Variants in ATP10B observed in about 807,000 individuals in gnomAD.
ATP10B encodes the protein phospholipid-transporting ATPase VB.
Under a neutral mutation model 141.2 loss-of-function variants are expected in ATP10B, and 122 were observed. The ratio of observed to expected loss-of-function variants is 0.86; its 90% confidence interval spans 0.75 to 1.00. The LOEUF is 1.00. Among genes scored for constraint, ATP10B ranks in the 50% least tolerant of loss-of-function variants. The pLI, the probability that ATP10B is intolerant of heterozygous loss-of-function variation, is 0.00. For synonymous variants in ATP10B, 685 were observed against 692.0 expected, an observed-to-expected ratio of 0.99 and a Z score of 0.16; for missense variants, 1,876 against 1,825.3, an observed-to-expected ratio of 1.03 and a Z score of -0.51.
chr5:160,653,793 A>C (rs1212489081), intron 7 of ATP10B, among the ~76,000 whole-genome samples: 1 of 117,310 alleles, frequency 8.5e-6, no homozygotes, highest in South Asian at 2.5e-4. Context: ...TATATATTAT[A>C]TAGACGTATA....
the ATP10B span, among the ~76,000 whole-genome samples, chr5:160,889,368 C>G: frequency 2.6e-5 from 4 of 152,186 alleles, no homozygotes; most frequent in Non-Finnish European, 4.4e-5. Context: ...AAAGAACCAG[C>G]TGTTGTCCAT....
At chr5:160,718,972 T>C (rs1765819191) in intron 2 of ATP10B, among the ~76,000 whole-genome samples, 1 of 152,100 alleles carries the variant, frequency 6.6e-6, no homozygotes, top group Non-Finnish European at 1.5e-5. Flanking sequence ...AATAAACAGA[T>C]GAATAAACAA....
At chr5:160,721,544 T>G (rs1476524082) in intron 2 of ATP10B, among the ~76,000 whole-genome samples, 3 of 152,146 alleles carry the variant, frequency 2.0e-5, no homozygotes. Flanking sequence ...TCTTTAAAGT[T>G]TCAGATGACT....
the ATP10B span, among the ~76,000 whole-genome samples, chr5:160,878,526 T>C: frequency 6.6e-6 from 1 of 151,988 alleles, no homozygotes; most frequent in African/African-American, 2.4e-5. Flanking sequence ...GAAGACAAAA[T>C]TGACAAATGG....
intron 1 of ATP10B, among the ~76,000 whole-genome samples, chr5:160,803,185 A>G (rs754742141): frequency 5.3e-5 from 8 of 152,146 alleles, no homozygotes; most frequent in Non-Finnish European, 1.0e-4. Flanking sequence ...CTTTTTGTTG[A>G]AGGAGGATGT....
chr5:160,684,998 C>A (rs772242692), intron 6 of ATP10B: 1 of 703,264 alleles, frequency 1.4e-6, no homozygotes, highest in Non-Finnish European at 2.6e-6. Context: ...AAATTCAGAA[C>A]CGCAATGCCC....
intron 6 of ATP10B, among the ~76,000 whole-genome samples, chr5:160,676,516 G>A (rs1244294075): frequency 6.6e-6 from 1 of 152,142 alleles, no homozygotes; most frequent in Admixed American, 6.5e-5. Flanking sequence ...CTATTTTAAA[G>A]TACGTAAGAA....
chr5:160,593,962 C>A (rs1756503920), intron 22 of ATP10B, among the ~76,000 whole-genome samples: 2 of 152,220 alleles, frequency 1.3e-5, no homozygotes, highest in South Asian at 4.1e-4. Context: ...GGAAAACACT[C>A]TGCAGGATAT....
the ATP10B span, among the ~76,000 whole-genome samples, chr5:160,860,452 C>T: frequency 2.0e-5 from 3 of 151,636 alleles, no homozygotes; most frequent in Admixed American, 2.0e-4. Flanking sequence ...TTGGTTCTTC[C>T]TCTAGATACA....
rs1358815426 is a variant in ATP10B, at chr5:160,688,905, G to A, written c.-166C>T. 1.0e-6 allele frequency: 1 copy of A among 985,352 alleles called. No homozygotes were observed. The highest frequency in any genetic ancestry group is 1.2e-6 in the Non-Finnish European group (1 of 829,922). 61.0% of individuals were successfully genotyped at this position (985,352 alleles called of 1,614,324 possible). ...TCTAGATGGCTGGAGTTGGGGATAG[G>A]GGATCCCTTTTCTTTTTCTCCACTC... is the stretch of plus-strand genomic sequence containing the variant. On this transcript the variant is annotated 5_prime_UTR_variant, in exon 4 of 26. Coordinates refer to ENST00000327245, the MANE Select transcript of ATP10B (RefSeq NM_025153.3).
intron 13 of ATP10B, among the ~76,000 whole-genome samples, chr5:160,624,322 G>T (rs1297903804): frequency 6.6e-6 from 1 of 152,158 alleles, no homozygotes; most frequent in Non-Finnish European, 1.5e-5. Flanking sequence ...AGCCAGAGGG[G>T]AGGAAACTCA....
At chr5:160,746,272 G>C (rs2127814457) in intron 2 of ATP10B, among the ~76,000 whole-genome samples, 2 of 152,308 alleles carry the variant, frequency 1.3e-5, no homozygotes, top group Middle Eastern at 6.8e-3. Context: ...GCCCTGGTGG[G>C]GGTTATATAT....
chr5:160,843,697 A>C (rs1002928612), intron 1 of ATP10B, among the ~76,000 whole-genome samples: 4 of 152,150 alleles, frequency 2.6e-5, no homozygotes, highest in African/African-American at 9.7e-5. Flanking sequence ...AACATACTGT[A>C]ACAAAGACCA....
chr5:160,622,274 C>T, intron 14 of ATP10B, 120 bp downstream of exon 14: 1 of 951,886 alleles, frequency 1.1e-6, no homozygotes. Flanking sequence ...GATGAAATGA[C>T]ACTGTTGCTA....
intron 1 of ATP10B, among the ~76,000 whole-genome samples, chr5:160,825,742 G>C (rs568443846): frequency 6.6e-6 from 1 of 152,078 alleles, no homozygotes; most frequent in East Asian, 1.9e-4. Context: ...ATGGTATACT[G>C]TATCCAGGTA....
In ATP10B at chr5:160,628,591, G is replaced by T. The variant is rs183981139; in HGVS notation, c.1620+3538C>A. 5.3e-5 allele frequency among the ~76,000 whole-genome samples: 8 copies of T among 152,232 alleles called. No homozygotes were observed. The East Asian group carries it at 1.5e-3, about 29-fold the overall frequency. ...CTCTCTGTTGCATTCTCTTCAGAAG[G>T]GTGGGGTGGCGGGGGGGATGTCCAC... is the stretch of plus-strand genomic sequence containing the variant. On this transcript the variant is annotated intron_variant, in intron 13 of 25. Transcript: ENST00000327245.
At chr5:160,706,516 ACCTTGGCTCTTGATTTTTCTACCTCAAC>A (rs944819887) in intron 3 of ATP10B, among the ~76,000 whole-genome samples, 3 of 152,144 alleles carry the variant, frequency 2.0e-5, no homozygotes, top group African/African-American at 7.2e-5. Context: ...CATCCCAGAC[ACCTTGGCTCTTGATTTTTCTACCTCAAC>A]GTGAGCCAGA....
chr5:160,581,015 C>T (rs1167571762), intron 24 of ATP10B, among the ~76,000 whole-genome samples: 2 of 152,112 alleles, frequency 1.3e-5, no homozygotes, highest in African/African-American at 4.8e-5. Flanking sequence ...TCCTCTTTAT[C>T]ATTTTTTATT....
At chr5:160,916,589 T>C in the ATP10B span, among the ~76,000 whole-genome samples, 3 of 152,190 alleles carry the variant, frequency 2.0e-5, no homozygotes, top group Admixed American at 1.3e-4. Flanking sequence ...CCTTTAATTC[T>C]CATGACTCTA....
Sources: allele counts gnomAD v4.1 joint callset (sites outside exome capture counted in the v4.1 genomes callset), GRCh38; gene constraint gnomAD v4.1.1; transcripts MANE v1.5; gene names NCBI Gene and HGNC (gene_info 2026-07-23, HGNC 2026-07-21).